The following ARHGAP24 variants were observed in gnomAD, a reference collection of about 807,000 sequenced individuals.
ARHGAP24 encodes Rho GTPase activating protein 24.
In ARHGAP24, 50 loss-of-function variants were observed where a neutral mutation model predicts 76.4. The ratio of observed to expected loss-of-function variants is 0.65; its 90% CI spans 0.52 to 0.83. The LOEUF is 0.83. Ranked by LOEUF, ARHGAP24 falls within the 40% of genes least tolerant of loss-of-function variation. The pLI is 0.00. For missense variants in ARHGAP24, 930 were observed against 914.2 expected, an observed-to-expected ratio of 1.02 and a Z score of -0.22; for synonymous variants, 345 against 323.3, an observed-to-expected ratio of 1.07 and a Z score of -0.72.
Position 85,582,520 on chromosome 4 carries a change from A to G in ARHGAP24, c.180+11799A>G, listed in dbSNP as rs559932880. Among the ~76,000 whole-genome samples the G allele has an allele frequency of 3.9e-5, 6 of 152,266 alleles. No individual in the cohort carries two copies. In the South Asian group the frequency reaches 1.2e-3, roughly 32 times the overall value. On this transcript the variant is annotated intron_variant, in intron 2 of 9. Coordinates refer to ENST00000395184, the MANE Select transcript of ARHGAP24 (RefSeq NM_001025616.3). ...ATGAGATACAAAACGCATGAGATAG[A>G]AAACTTGGCTGGATTTTTAAAACAT...
chr4:85,712,854 C>T lies in ARHGAP24; in HGVS notation c.181-9031C>T, dbSNP rs75484275. On this transcript the variant is annotated intron_variant, in intron 2 of 9. Transcript: ENST00000395184. ...CGGGGATTAAGACCTGACATCTTTC[C>T]GTGGCCATTATTCAGTAAGTGATAC... Among the ~76,000 whole-genome samples the T allele has an allele frequency of 5.3e-5, 8 of 152,256 alleles. No individual in the cohort carries two copies. In the East Asian group the frequency reaches 9.6e-4, roughly 18 times the overall value.
At chr4:85,805,661 C>T (rs943392483) in intron 3 of ARHGAP24, among the ~76,000 whole-genome samples, 1 of 152,176 alleles carries the variant, frequency 6.6e-6, no homozygotes, top group African/African-American at 2.4e-5. Flanking sequence ...AAATACTTTG[C>T]TCAGGTGTGC....
intron 3 of ARHGAP24, among the ~76,000 whole-genome samples, chr4:85,914,276 T>G (rs1735246205): frequency 6.6e-6 from 1 of 152,238 alleles, no homozygotes; most frequent in African/African-American, 2.4e-5. Context: ...TTCTAAAATT[T>G]ATAGCCTCTA....
At chr4:85,750,336 G>T (rs1328500121) in intron 3 of ARHGAP24, among the ~76,000 whole-genome samples, 1 of 151,900 alleles carries the variant, frequency 6.6e-6, no homozygotes, top group African/African-American at 2.4e-5. Flanking sequence ...AGGACAAGGG[G>T]CTCCAGCAGG....
chr4:85,544,739 A>G (rs1324264423), intron 1 of ARHGAP24, among the ~76,000 whole-genome samples: 1 of 152,114 alleles, frequency 6.6e-6, no homozygotes, highest in East Asian at 1.9e-4. Flanking sequence ...TTTTTTTGCA[A>G]GACAATGAGT....
At chr4:85,935,179 A>G (rs1411852012) in intron 4 of ARHGAP24, among the ~76,000 whole-genome samples, 1 of 152,208 alleles carries the variant, frequency 6.6e-6, no homozygotes, top group Non-Finnish European at 1.5e-5. Flanking sequence ...ATCCAAATCT[A>G]TATAATTTTA....
At chr4:85,512,397 C>T (rs780791441) in intron 1 of ARHGAP24, among the ~76,000 whole-genome samples, 1 of 152,180 alleles carries the variant, frequency 6.6e-6, no homozygotes, top group Non-Finnish European at 1.5e-5. Context: ...TAGTTAGACA[C>T]CCAAGCTTAG....
chr4:85,752,686 T>A (rs1037238793), intron 3 of ARHGAP24, among the ~76,000 whole-genome samples: 31 of 152,178 alleles, frequency 2.0e-4, no homozygotes, highest in African/African-American at 7.5e-4. Flanking sequence ...ATCATTTCTG[T>A]CAGCAAATTG....
At chr4:85,778,683 T>C (rs1727404069) in intron 3 of ARHGAP24, 1 of 985,358 alleles carries the variant, frequency 1.0e-6, no homozygotes, top group East Asian at 1.1e-4. Flanking sequence ...TTTTCCCCTC[T>C]CTGTCTCTTT....
chr4:85,516,356 A>G (rs1417422862), intron 1 of ARHGAP24, among the ~76,000 whole-genome samples: 2 of 152,168 alleles, frequency 1.3e-5, no homozygotes, highest in African/African-American at 4.8e-5. Context: ...TCTAACTCAT[A>G]TTTGTTTCAA....
At chr4:85,679,192 G>A (rs1332545425) in intron 2 of ARHGAP24, among the ~76,000 whole-genome samples, 3 of 151,988 alleles carry the variant, frequency 2.0e-5, no homozygotes, top group Non-Finnish European at 4.4e-5. Context: ...CTTGCAGGTA[G>A]CAGCCCTCAG....
chr4:85,586,005 G>C (rs1241248127), intron 2 of ARHGAP24, among the ~76,000 whole-genome samples: 1 of 152,090 alleles, frequency 6.6e-6, no homozygotes, highest in Non-Finnish European at 1.5e-5. Context: ...TTGTATATCA[G>C]CATCTCCCTT....
chr4:85,529,204 C>A (rs1455404424), intron 1 of ARHGAP24, among the ~76,000 whole-genome samples: 1 of 151,978 alleles, frequency 6.6e-6, no homozygotes, highest in Non-Finnish European at 1.5e-5. Context: ...CAGAAAGAGT[C>A]TATGACTATT....
intron 2 of ARHGAP24, among the ~76,000 whole-genome samples, chr4:85,632,727 C>G (rs995161361): frequency 2.0e-5 from 3 of 151,914 alleles, no homozygotes; most frequent in African/African-American, 7.3e-5. Context: ...GTTTGCCTCT[C>G]CAAGCTCCAT....
chr4:85,796,575 C>G (rs1270312322), intron 3 of ARHGAP24, among the ~76,000 whole-genome samples: 1 of 152,046 alleles, frequency 6.6e-6, no homozygotes, highest in Admixed American at 6.6e-5. Context: ...GAGAGAGAAA[C>G]CGCATAGTAA....
chr4:85,864,193 A>G (rs980167401), intron 3 of ARHGAP24, among the ~76,000 whole-genome samples: 1 of 152,076 alleles, frequency 6.6e-6, no homozygotes, highest in African/African-American at 2.4e-5. Context: ...CCCAGCTTTC[A>G]GGCTGCTCTT....
At chr4:85,563,152 C>T (rs1726667329) in intron 1 of ARHGAP24, among the ~76,000 whole-genome samples, 1 of 152,166 alleles carries the variant, frequency 6.6e-6, no homozygotes, top group South Asian at 2.1e-4. Flanking sequence ...GTCAAGAAGG[C>T]TGCCTTTGTT....
chr4:85,854,135 C>CAAAAAAAAAAAAAAA (rs35799327), intron 3 of ARHGAP24, among the ~76,000 whole-genome samples: 1 of 85,558 alleles, frequency 1.2e-5, no homozygotes, highest in Non-Finnish European at 2.3e-5. Context: ...GACTCTGTCT[C>CAAAAAAAAAAAAAAA]AAAAAAAAAA....
rs192383539 is a variant in ARHGAP24 at position 85,872,608 on chromosome 4, T to G, written c.269-51040T>G. On this transcript the variant is annotated intron_variant, in intron 3 of 9. Coordinates refer to ENST00000395184, the MANE Select transcript of ARHGAP24 (RefSeq NM_001025616.3). ...ACTGCATCTGGCCTTTTTTTTTTTT[T>G]TTTTTTTTTGACAGGGTCTCACTCT... is the stretch of plus-strand genomic sequence containing the variant. 3.9e-3 allele frequency among the ~76,000 whole-genome samples: 559 copies of G among 143,728 alleles called. 4 individuals are homozygous for G. Among genetic ancestry groups the G allele is most frequent in the African/African-American group, 0.014 (523 of 38,078 alleles). The allele number at this position is 143,728 out of a possible 152,430, so 94.3% of individuals were successfully genotyped here. A position where few individuals can be genotyped will look rare whatever the true frequency, so the allele number is the denominator to read the frequency against.
Sources: allele counts gnomAD v4.1 joint callset (sites outside exome capture counted in the v4.1 genomes callset), GRCh38; gene constraint gnomAD v4.1.1; transcripts MANE v1.5; gene names NCBI Gene and HGNC (gene_info 2026-07-23, HGNC 2026-07-21).